Variants in ITGB6 observed in about 807,000 individuals in gnomAD.
ITGB6 encodes integrin subunit beta 6, also known as integrin beta-6.
ITGB6 carries 80 observed loss-of-function variants against 84.5 expected under a neutral mutation model. The ratio of observed to expected loss-of-function variants is 0.95; its 90% confidence interval spans 0.79 to 1.14. ITGB6 has a LOEUF of 1.14. Ranked by LOEUF, ITGB6 falls within the 50% of genes most tolerant of loss-of-function variation. ITGB6 has a pLI of 0.00. For missense variants in ITGB6, 1,006 were observed against 968.0 expected, an observed-to-expected ratio of 1.04 and a Z score of -0.52; for synonymous variants, 383 against 354.9, an observed-to-expected ratio of 1.08 and a Z score of -0.89.
chr2:160,116,775 C>T lies in ITGB6; in HGVS notation c.1982-4576G>A, dbSNP rs1394971755. Among the ~76,000 whole-genome samples, 115 of 151,884 alleles carry T rather than the reference C, an allele frequency of 7.6e-4. 1 individual carries two copies. Among genetic ancestry groups the T allele is most frequent in the African/African-American group, 2.6e-3 (108 of 41,382 alleles). ...TGCTGTATTCAGGAAACCCATCTCA[C>T]GGGCAGAGACACACATAGGCTCAAA... On this transcript the variant is annotated intron_variant, in intron 12 of 14. Coordinates refer to ENST00000283249, the MANE Select transcript of ITGB6 (RefSeq NM_000888.5).
At chr2:160,130,185 T>A (rs950231911) in intron 10 of ITGB6, among the ~76,000 whole-genome samples, 2 of 152,148 alleles carry the variant, frequency 1.3e-5, no homozygotes, top group Non-Finnish European at 2.9e-5. Context: ...GGTGAGCATT[T>A]GTGTATCTAG....
intron 7 of ITGB6, among the ~76,000 whole-genome samples, chr2:160,153,519 T>C (rs967653591): frequency 6.6e-6 from 1 of 152,182 alleles, no homozygotes; most frequent in African/African-American, 2.4e-5. Context: ...ATTCAGGACA[T>C]AGGCATGGGC....
At chr2:160,124,719 G>C (rs1683169634) in intron 11 of ITGB6, among the ~76,000 whole-genome samples, 1 of 152,152 alleles carries the variant, frequency 6.6e-6, no homozygotes, top group Admixed American at 6.5e-5. Flanking sequence ...CTAAGTGCTT[G>C]AAACACCCCA....
At chr2:160,164,165 T>C (rs537370778) in intron 7 of ITGB6, among the ~76,000 whole-genome samples, 35 of 152,300 alleles carry the variant, frequency 2.3e-4, no homozygotes, top group African/African-American at 6.7e-4. Context: ...GGCAAAATAT[T>C]AGTTTACAAG....
intron 10 of ITGB6, among the ~76,000 whole-genome samples, chr2:160,128,464 CTA>C: frequency 6.6e-6 from 1 of 152,256 alleles, no homozygotes; most frequent in South Asian, 2.1e-4. Flanking sequence ...GGAAGAGCTT[CTA>C]TCCTGAAAGT....
intron 2 of ITGB6, among the ~76,000 whole-genome samples, chr2:160,198,433 T>A (rs1173778828): frequency 1.3e-5 from 2 of 152,192 alleles, no homozygotes; most frequent in Non-Finnish European, 2.9e-5. Context: ...ATGATTTGAT[T>A]TATGTTTAGA....
intron 7 of ITGB6, among the ~76,000 whole-genome samples, chr2:160,151,332 C>T (rs1475319429): frequency 6.6e-6 from 1 of 152,204 alleles, no homozygotes; most frequent in African/African-American, 2.4e-5. Flanking sequence ...GAACAACTTG[C>T]TCCTGAATGA....
At position 160,172,409 on chromosome 2, in the gene ITGB6, T is replaced by C. The variant is rs569713292; in HGVS notation, c.921+160A>G. ...CCACCTATGCTCTGGTGGGAACCTC[T>C]GAGGATGGTGAGAATCGAGCTGGGG... is the stretch of plus-strand genomic sequence containing the variant. On this transcript the variant is annotated intron_variant, in intron 6 of 14. Transcript: ENST00000283249. 1.6e-4 allele frequency among the ~76,000 whole-genome samples: 24 copies of C among 152,328 alleles called. No individual in the cohort carries two copies. The South Asian group carries it at 3.9e-3, about 25-fold the overall frequency.
At chr2:160,172,519 C>G (rs201029557) in intron 6 of ITGB6, 50 bp downstream of exon 6, 10 of 1,500,870 alleles carry the variant, frequency 6.7e-6, no homozygotes, top group Admixed American at 5.2e-5. Context: ...GTTGTTGCTT[C>G]GTTCTCCTAC....
chr2:160,156,913 G>A (rs191367995), intron 7 of ITGB6, among the ~76,000 whole-genome samples: 91 of 152,328 alleles, frequency 6.0e-4, no homozygotes, highest in Admixed American at 2.7e-3. Flanking sequence ...AGGTTAATGA[G>A]TAAGCCTGAC....
At chr2:160,182,522 G>A (rs1427049251) in intron 4 of ITGB6, among the ~76,000 whole-genome samples, 4 of 152,234 alleles carry the variant, frequency 2.6e-5, no homozygotes, top group African/African-American at 9.6e-5. Flanking sequence ...TTTGATTGGT[G>A]TACCTGAAAG....
intron 10 of ITGB6, among the ~76,000 whole-genome samples, chr2:160,137,060 A>AG (rs906994018): frequency 5.0e-4 from 43 of 86,188 alleles, no homozygotes; most frequent in African/African-American, 1.8e-3. Flanking sequence ...AATAAAAAAA[A>AG]AAAGAAAAAA....
intron 4 of ITGB6, among the ~76,000 whole-genome samples, chr2:160,184,253 G>C (rs1422967500): frequency 6.6e-6 from 1 of 152,148 alleles, no homozygotes; most frequent in Non-Finnish European, 1.5e-5. Context: ...AAGAAGAAAA[G>C]AGGGAAGAAT....
At chr2:160,184,141 G>A (rs1685800788) in intron 4 of ITGB6, among the ~76,000 whole-genome samples, 1 of 152,140 alleles carries the variant, frequency 6.6e-6, no homozygotes, top group South Asian at 2.1e-4. Flanking sequence ...GAGCAGAACT[G>A]AAGGAGATAG....
intron 10 of ITGB6, among the ~76,000 whole-genome samples, chr2:160,131,632 A>T (rs1683474028): frequency 1.3e-5 from 2 of 152,208 alleles, no homozygotes; most frequent in Admixed American, 6.5e-5. Flanking sequence ...ATACCATTTG[A>T]AAGAAAAGTT....
intron 11 of ITGB6, among the ~76,000 whole-genome samples, chr2:160,126,152 A>G (rs1201553271): frequency 6.6e-6 from 1 of 152,164 alleles, no homozygotes; most frequent in Non-Finnish European, 1.5e-5. Flanking sequence ...TCTAGCAGAA[A>G]CGTGACATTG....
chr2:160,102,575 G>A (rs1016427562), intron 14 of ITGB6, among the ~76,000 whole-genome samples: 1 of 152,256 alleles, frequency 6.6e-6, no homozygotes, highest in South Asian at 2.1e-4. Context: ...TGCCTTGGGG[G>A]CAGTGGGAAG....
In ITGB6 at chr2:160,138,184, C is replaced by T. The variant is rs1211021472; in HGVS notation, c.1123G>A (p.Val375Met). 2 of 1,609,438 alleles carry T rather than the reference C, an allele frequency of 1.2e-6. No individual in the cohort carries two copies. Among genetic ancestry groups the T allele is most frequent in the Non-Finnish European group, 1.7e-6 (2 of 1,178,824 alleles). ...ISAYEELRSE[V>M]ELEVLGDTEG... The stretch of plus-strand genomic sequence containing the variant: ...GTGTCTCCTAATACTTCCAGTTCCA[C>T]CTCAGACCGCAGTTCCTTTAGTTAC... Residue 375 changes from valine (V) to methionine (M), a missense_variant, in exon 9 of 15, where the codon GTG becomes ATG. Coordinates refer to ENST00000283249, the MANE Select transcript of ITGB6 (RefSeq NM_000888.5).
chr2:160,125,478 C>T (rs1205658947), intron 11 of ITGB6, among the ~76,000 whole-genome samples: 1 of 152,184 alleles, frequency 6.6e-6, no homozygotes, highest in Non-Finnish European at 1.5e-5. Context: ...TTCAAATCAT[C>T]CTAATCATGT....
Sources: allele counts gnomAD v4.1 joint callset (sites outside exome capture counted in the v4.1 genomes callset), GRCh38; gene constraint gnomAD v4.1.1; transcripts MANE v1.5; gene names NCBI Gene and HGNC (gene_info 2026-07-23, HGNC 2026-07-21).